The following GLIS3 variants were observed in gnomAD, a reference collection of about 807,000 sequenced individuals.
The protein encoded by GLIS3 is GLIS family zinc finger 3.
Under a neutral mutation model 78.6 loss-of-function variants are expected in GLIS3, and 53 were observed. The ratio of observed to expected loss-of-function variants is 0.67; its 90% CI spans 0.54 to 0.85. The LOEUF (loss-of-function observed/expected upper bound fraction) is 0.85, where lower values mean the gene tolerates loss of function less well. Ranked by LOEUF, GLIS3 falls within the 40% of genes least tolerant of loss-of-function variation. The pLI is 0.00. For synonymous variants in GLIS3, 684 were observed against 509.9 expected, an observed-to-expected ratio of 1.34 and a Z score of -4.60; for missense variants, 1,703 against 1,231.1, an observed-to-expected ratio of 1.38 and a Z score of -5.74.
chr9:4,010,252 C>T (rs758172117), intron 4 of GLIS3, among the ~76,000 whole-genome samples: 4 of 152,192 alleles, frequency 2.6e-5, no homozygotes, highest in African/African-American at 4.8e-5. Flanking sequence ...AACTCTGCCA[C>T]TTACTAGACA....
chr9:4,384,527 C>T, the GLIS3 span, among the ~76,000 whole-genome samples: 1 of 149,258 alleles, frequency 6.7e-6, no homozygotes, highest in African/African-American at 2.5e-5. Flanking sequence ...TTCTTTTCTT[C>T]CTTACTTCTT....
At chr9:3,991,828 C>G (rs563315834) in intron 4 of GLIS3, among the ~76,000 whole-genome samples, 32 of 151,864 alleles carry the variant, frequency 2.1e-4, no homozygotes, top group African/African-American at 7.5e-4. Flanking sequence ...GTAGCTGGGA[C>G]TACAGGCGCC....
At chr9:4,282,853 C>A (rs1827677693) in intron 2 of GLIS3, among the ~76,000 whole-genome samples, 1 of 152,122 alleles carries the variant, frequency 6.6e-6, no homozygotes, top group African/African-American at 2.4e-5. Context: ...CCATCAGCGT[C>A]CTCAAAATGG....
At chr9:3,944,183 A>C (rs887965721) in intron 4 of GLIS3, among the ~76,000 whole-genome samples, 14 of 152,222 alleles carry the variant, frequency 9.2e-5, no homozygotes, top group African/African-American at 3.4e-4. Context: ...GGCTTAAAAA[A>C]TGAAAATGAA....
intron 4 of GLIS3, among the ~76,000 whole-genome samples, chr9:4,069,302 T>C (rs1178654442): frequency 6.6e-6 from 1 of 152,222 alleles, no homozygotes; most frequent in Non-Finnish European, 1.5e-5. Context: ...CTGAAACTAT[T>C]GGAAAGCCTG....
At chr9:4,138,069 T>C (rs578250402) in intron 2 of GLIS3, among the ~76,000 whole-genome samples, 3 of 152,366 alleles carry the variant, frequency 2.0e-5, no homozygotes, top group African/African-American at 7.2e-5. Context: ...ACTCTAGGGA[T>C]TGTGGACACA....
chr9:4,063,560 A>T (rs894675816), intron 4 of GLIS3, among the ~76,000 whole-genome samples: 5 of 144,426 alleles, frequency 3.5e-5, no homozygotes, highest in African/African-American at 5.0e-5. Flanking sequence ...TTCATGATTT[A>T]AAAAAAAAAA....
At chr9:4,230,235 T>C (rs1822133971) in intron 2 of GLIS3, among the ~76,000 whole-genome samples, 1 of 152,172 alleles carries the variant, frequency 6.6e-6, no homozygotes, top group African/African-American at 2.4e-5. Flanking sequence ...AAAGGCCCGA[T>C]AAATCTCCAC....
intron 4 of GLIS3, among the ~76,000 whole-genome samples, chr9:3,952,054 C>A (rs1300076521): frequency 6.6e-6 from 1 of 151,296 alleles, no homozygotes; most frequent in Non-Finnish European, 1.5e-5. Flanking sequence ...TACCCCCAGG[C>A]CAAGATAATT....
chr9:4,406,655 C>G, the GLIS3 span, among the ~76,000 whole-genome samples: 2 of 152,110 alleles, frequency 1.3e-5, no homozygotes, highest in African/African-American at 4.8e-5. Flanking sequence ...TATATGCCAA[C>G]AGTGAAAAAT....
the GLIS3 span, among the ~76,000 whole-genome samples, chr9:4,389,880 C>G: frequency 3.3e-4 from 51 of 152,254 alleles, no homozygotes; most frequent in African/African-American, 1.0e-3. Flanking sequence ...CAGCAGTGCT[C>G]GACATCAAGA....
intron 2 of GLIS3, among the ~76,000 whole-genome samples, chr9:4,279,691 T>A (rs1229640766): frequency 1.9e-4 from 5 of 26,412 alleles, no homozygotes; most frequent in Non-Finnish European, 3.4e-4. Flanking sequence ...AGAGCTTGTT[T>A]GGTCAGTCGG....
In GLIS3 at chr9:4,141,572, A is replaced by C. The variant is rs139668165; in HGVS notation, c.389-15631T>G. Among the ~76,000 whole-genome samples the C allele has an allele frequency of 1.6e-3, 251 of 152,316 alleles. 1 individual carries two copies. Among genetic ancestry groups the C allele is most frequent in the African/African-American group, 5.8e-3 (242 of 41,566 alleles). On this transcript the variant is annotated intron_variant, in intron 2 of 10. Coordinates refer to ENST00000381971, the MANE Select transcript of GLIS3 (RefSeq NM_001042413.2). ...GTATCAGGCCACCCCAACTAGCAAT[A>C]ACTGAGATTAAATTTCCCACTAATG...
chr9:3,907,493 C>A (rs1033377285), intron 6 of GLIS3, among the ~76,000 whole-genome samples: 2 of 152,076 alleles, frequency 1.3e-5, no homozygotes, highest in Non-Finnish European at 2.9e-5. Context: ...CCCCACCCAG[C>A]GCCCCTCTGA....
chr9:4,466,989 G>A, the GLIS3 span, among the ~76,000 whole-genome samples: 5,034 of 152,292 alleles, frequency 0.033, 276 homozygotes, highest in African/African-American at 0.12. Flanking sequence ...ATTATATCCC[G>A]CACCTGGCTC....
At chr9:4,400,792 G>A in the GLIS3 span, among the ~76,000 whole-genome samples, 1 of 152,184 alleles carries the variant, frequency 6.6e-6, no homozygotes, top group Admixed American at 6.5e-5. Flanking sequence ...GCTCCTGGAT[G>A]ACATTTCTAG....
intron 4 of GLIS3, among the ~76,000 whole-genome samples, chr9:3,948,232 A>C (rs1816429351): frequency 6.6e-6 from 1 of 152,238 alleles, no homozygotes; most frequent in South Asian, 2.1e-4. Context: ...GCAGGGACTC[A>C]GAAAACCCTT....
exon 1 of GLIS3, chr9:4,348,336 G>C (rs1817922010): frequency 1.3e-5 from 2 of 152,140 alleles, no homozygotes; most frequent in African/African-American, 4.8e-5. Context: ...TCGGGAAACA[G>C]CTTTCTGAGG....
rs143765095 is a variant in GLIS3 at position 4,225,072 on chromosome 9, T to C, written c.388+60966A>G. 4.6e-5 allele frequency among the ~76,000 whole-genome samples: 7 copies of C among 152,066 alleles called. No individual in the cohort carries two copies. In the East Asian group the frequency reaches 9.6e-4, roughly 21 times the overall value. On this transcript the variant is annotated intron_variant, in intron 2 of 10. Coordinates refer to ENST00000381971, the MANE Select transcript of GLIS3 (RefSeq NM_001042413.2). ...TTGCACAATAATCACACGAGATAGT[T>C]AAGCAGGCATTATTACGGCTGTCTT...
Sources: gnomAD v4.1 joint callset for allele counts (sites outside exome capture counted in the v4.1 genomes callset) on GRCh38, gnomAD v4.1.1 for gene constraint, MANE v1.5 for transcripts, NCBI Gene and HGNC (gene_info 2026-07-23, HGNC 2026-07-21) for gene names.